The following AFF3 variants were observed in gnomAD, a reference collection of about 807,000 sequenced individuals.
AFF3 encodes AF4/FMR2 family member 3.
A neutral mutation model predicts 129.7 loss-of-function variants in AFF3; 32 were observed. The ratio of observed to expected loss-of-function variants is 0.25; its 90% CI spans 0.19 to 0.33. AFF3 has a LOEUF of 0.33. AFF3 is among the 10% of genes least tolerant of loss of function. AFF3 has a pLI of 1.00. For missense variants in AFF3, 1,373 were observed against 1,592.0 expected (o/e 0.86, Z 2.34); for synonymous variants, 644 against 635.4 (o/e 1.01, Z -0.20).
intron 8 of AFF3, 124 bp from the exon 9 acceptor site, chr2:99,752,425 C>T: frequency 4.5e-6 from 3 of 673,804 alleles, no homozygotes; most frequent in Non-Finnish European, 7.3e-6. Context: ...TGTACAAAGG[C>T]TGAAAGAATT....
intron 7 of AFF3, among the ~76,000 whole-genome samples, chr2:99,999,464 G>A (rs1681181109): frequency 6.6e-6 from 1 of 152,156 alleles, no homozygotes; most frequent in Non-Finnish European, 1.5e-5. Flanking sequence ...AGATGCTTCA[G>A]TAAGCAGTAC....
chr2:99,927,786 A>G (rs1696368601), intron 7 of AFF3, among the ~76,000 whole-genome samples: 1 of 152,210 alleles, frequency 6.6e-6, no homozygotes, highest in South Asian at 2.1e-4. Flanking sequence ...AGAACCATGA[A>G]TGTACATACT....
intron 7 of AFF3, among the ~76,000 whole-genome samples, chr2:99,980,423 C>T (rs1030461288): frequency 6.6e-6 from 1 of 152,186 alleles, no homozygotes; most frequent in African/African-American, 2.4e-5. Flanking sequence ...AACAACTGTG[C>T]TGGAGGGACA....
chr2:99,956,122 T>TA, intron 7 of AFF3, among the ~76,000 whole-genome samples: 2 of 113,582 alleles, frequency 1.8e-5, no homozygotes, highest in Middle Eastern at 4.3e-3. Flanking sequence ...TCATTTAGTC[T>TA]TTTTTTTTTT....
chr2:99,938,579 C>G (rs1442961004), intron 7 of AFF3, among the ~76,000 whole-genome samples: 1 of 152,138 alleles, frequency 6.6e-6, no homozygotes, highest in Non-Finnish European at 1.5e-5. Context: ...ACATCAAAAT[C>G]AGTAGGCTTT....
intron 15 of AFF3, among the ~76,000 whole-genome samples, chr2:99,588,288 C>T (rs1403031742): frequency 1.3e-5 from 2 of 152,072 alleles, no homozygotes; most frequent in South Asian, 2.1e-4. Context: ...GTGATCCTCC[C>T]GCCTCAGCCT....
chr2:99,835,869 C>A (rs963331194), intron 8 of AFF3, among the ~76,000 whole-genome samples: 1 of 152,136 alleles, frequency 6.6e-6, no homozygotes, highest in South Asian at 2.1e-4. Flanking sequence ...GGCACAGGTG[C>A]AGCACTGGCG....
At chr2:100,045,548 T>C (rs2871326) in intron 4 of AFF3, among the ~76,000 whole-genome samples, 79,977 of 151,318 alleles carry the variant, frequency 0.53, 21,713 homozygotes, top group African/African-American at 0.64. Context: ...AAAAACTGCA[T>C]GGGTCCACTT....
At chr2:99,597,195 C>T (rs967989643) in intron 14 of AFF3, among the ~76,000 whole-genome samples, 12 of 152,300 alleles carry the variant, frequency 7.9e-5, no homozygotes, top group East Asian at 7.7e-4. Flanking sequence ...ATTGTCTCCA[C>T]GGCTGCATCA....
In AFF3 at chr2:99,601,058, G is replaced by A. The variant is rs1679779188; in HGVS notation, c.1371+377C>T. Among the ~76,000 whole-genome samples, 3 of 152,274 alleles carry A rather than the reference G, an allele frequency of 2.0e-5. No individual in the cohort carries two copies. In the South Asian group the frequency reaches 6.2e-4, roughly 32 times the overall value. On this transcript the variant is annotated intron_variant, in intron 14 of 24. Transcript: ENST00000672756. ...AAAACCCCTTTCCCTGTGATTTATG[G>A]GTGGTCACACTTCCCAGGCGGTGAG...
chr2:99,670,249 G>A (rs1264868567), intron 12 of AFF3, among the ~76,000 whole-genome samples: 1 of 150,778 alleles, frequency 6.6e-6, no homozygotes, highest in African/African-American at 2.5e-5. Context: ...TCAAAAGCAT[G>A]GAGTCTGAGG....
intron 4 of AFF3, among the ~76,000 whole-genome samples, chr2:100,085,795 CCA>C (rs1438552414): frequency 3.3e-5 from 5 of 152,184 alleles, no homozygotes; most frequent in South Asian, 2.1e-4. Flanking sequence ...TGGTTTCTCT[CCA>C]CACAGACTCC....
intron 4 of AFF3, among the ~76,000 whole-genome samples, chr2:100,085,410 AC>A (rs1327469903): frequency 4.0e-5 from 6 of 151,854 alleles, no homozygotes; most frequent in Non-Finnish European, 8.8e-5. Flanking sequence ...CCTCAATCTT[AC>A]CTGCCCTTTA....
intron 8 of AFF3, among the ~76,000 whole-genome samples, chr2:99,767,986 C>T (rs1683163528): frequency 6.6e-6 from 1 of 152,150 alleles, no homozygotes; most frequent in Non-Finnish European, 1.5e-5. Context: ...CTTCCTCTGA[C>T]TTTGGTGGAG....
chr2:99,560,323 G>A, intron 21 of AFF3, 42 bp downstream of exon 21: 1 of 1,599,932 alleles, frequency 6.3e-7, no homozygotes, highest in African/African-American at 1.3e-5. Flanking sequence ...ATGATGGCAT[G>A]CGAGGCTGGG....
Position 99,625,906 on chromosome 2 carries a change from G to A in AFF3, c.1184+23720C>T, listed in dbSNP as rs189313911. 3.1e-4 allele frequency among the ~76,000 whole-genome samples: 47 copies of A among 152,296 alleles called. No homozygotes were observed. The East Asian group carries it at 7.1e-3, about 23-fold the overall frequency. On this transcript the variant is annotated intron_variant, in intron 13 of 24. Transcript: ENST00000672756. Reference sequence around the variant, plus strand: ...CCACTTTTCCAGTGAAATAAAACCTGTTTACATCTTGGTGACTGAAACACC... The same window carrying A: ...CCACTTTTCCAGTGAAATAAAACCTATTTACATCTTGGTGACTGAAACACC...
At chr2:99,954,553 G>A (rs1284548724) in intron 7 of AFF3, among the ~76,000 whole-genome samples, 1 of 151,842 alleles carries the variant, frequency 6.6e-6, no homozygotes, top group Non-Finnish European at 1.5e-5. Flanking sequence ...AAGAAAATGT[G>A]GCACATATAC....
At chr2:99,806,438 G>A (rs142013935) in intron 8 of AFF3, among the ~76,000 whole-genome samples, 1 of 152,304 alleles carries the variant, frequency 6.6e-6, no homozygotes, top group Non-Finnish European at 1.5e-5. Context: ...TGCGATGGGA[G>A]TGTGTGCCAG....
chr2:99,551,438 G>C lies in AFF3; in HGVS notation c.*36C>G. ...GTCCAAAAACGTTGAGCCATCTGTGGAGACCAGAGCCCACTCTGGCCCCAG... is the reference window on the plus strand; with the variant it reads ...GTCCAAAAACGTTGAGCCATCTGTGCAGACCAGAGCCCACTCTGGCCCCAG... On this transcript the variant is annotated 3_prime_UTR_variant, in exon 25 of 25. Transcript: ENST00000672756. 6.2e-7 allele frequency: 1 copy of C among 1,612,860 alleles called. No individual in the cohort carries two copies. The highest frequency in any genetic ancestry group is 8.5e-7 in the Non-Finnish European group (1 of 1,179,754).
Sources: allele counts gnomAD v4.1 joint callset (sites outside exome capture counted in the v4.1 genomes callset), GRCh38; gene constraint gnomAD v4.1.1; transcripts MANE v1.5; gene names NCBI Gene and HGNC (gene_info 2026-07-23, HGNC 2026-07-21).